The following CPQ variants were observed in gnomAD, a reference collection of about 807,000 sequenced individuals.
CPQ encodes carboxypeptidase Q, also known as Ser-Met dipeptidase.
Under a neutral mutation model 45.7 loss-of-function variants are expected in CPQ, and 37 were observed. The observed-to-expected ratio is 0.81, with a 90% CI of 0.62 to 1.07. The LOEUF (loss-of-function observed/expected upper bound fraction) is 1.07, where lower values mean the gene tolerates loss of function less well. Among genes scored for constraint, CPQ ranks in the 50% least tolerant of loss-of-function variants. The pLI, the probability that CPQ is intolerant of heterozygous loss-of-function variation, is 0.00. For missense variants in CPQ, 537 were observed against 572.9 expected (o/e 0.94, Z 0.64); for synonymous variants, 186 against 205.8 (o/e 0.90, Z 0.82).
chr8:96,951,615 C>A (rs1295831377), intron 4 of CPQ, among the ~76,000 whole-genome samples: 8 of 152,014 alleles, frequency 5.3e-5, no homozygotes, highest in Non-Finnish European at 1.0e-4. Context: ...CGTAACTTAC[C>A]TATTTCACGG....
At chr8:96,651,572 A>T (rs1469857311) in intron 1 of CPQ, among the ~76,000 whole-genome samples, 1 of 152,188 alleles carries the variant, frequency 6.6e-6, no homozygotes, top group Non-Finnish European at 1.5e-5. Context: ...GACACTTTAG[A>T]TCTGTTGTTT....
At chr8:96,984,174 C>A (rs1813960566) in intron 5 of CPQ, among the ~76,000 whole-genome samples, 1 of 151,946 alleles carries the variant, frequency 6.6e-6, no homozygotes, top group Non-Finnish European at 1.5e-5. Flanking sequence ...AATATAGTAA[C>A]CACAGATTGC....
intron 1 of CPQ, among the ~76,000 whole-genome samples, chr8:96,660,757 G>GT (rs1352086537): frequency 1.3e-5 from 2 of 151,674 alleles, no homozygotes; most frequent in Non-Finnish European, 2.9e-5. Context: ...GCTCATATTT[G>GT]TTTTTTAACT....
At chr8:96,669,880 CT>C (rs1808978553) in intron 1 of CPQ, among the ~76,000 whole-genome samples, 2 of 152,340 alleles carry the variant, frequency 1.3e-5, no homozygotes, top group East Asian at 3.9e-4. Context: ...TACTAAACTG[CT>C]GTTCCTAGGG....
chr8:96,993,135 T>C (rs1290667161), intron 5 of CPQ, among the ~76,000 whole-genome samples: 1 of 152,216 alleles, frequency 6.6e-6, no homozygotes, highest in African/African-American at 2.4e-5. Context: ...TCTAGCGTAG[T>C]ATATATGGTG....
intron 6 of CPQ, among the ~76,000 whole-genome samples, chr8:97,060,858 C>T (rs1008794093): frequency 1.3e-4 from 20 of 152,144 alleles, no homozygotes; most frequent in African/African-American, 4.1e-4. Context: ...ACAATATATT[C>T]CTGAGAAGCA....
At chr8:96,711,612 G>A (rs936885286) in intron 1 of CPQ, among the ~76,000 whole-genome samples, 21 of 152,086 alleles carry the variant, frequency 1.4e-4, no homozygotes, top group African/African-American at 5.1e-4. Context: ...GAGGATAATA[G>A]GGAAAAACAC....
intron 6 of CPQ, among the ~76,000 whole-genome samples, chr8:97,043,550 G>C (rs1216257561): frequency 6.6e-6 from 1 of 152,122 alleles, no homozygotes; most frequent in African/African-American, 2.4e-5. Flanking sequence ...TGGTTATTTT[G>C]ATCGTTAGTT....
intron 7 of CPQ, among the ~76,000 whole-genome samples, chr8:97,127,549 C>T (rs373802565): frequency 1.3e-5 from 2 of 151,898 alleles, no homozygotes; most frequent in African/African-American, 4.8e-5. Flanking sequence ...ATTAGCCAGG[C>T]GTGGTGGCAC....
chr8:96,844,916 G>A (rs1310912037), intron 3 of CPQ, among the ~76,000 whole-genome samples: 1 of 152,140 alleles, frequency 6.6e-6, no homozygotes, highest in Non-Finnish European at 1.5e-5. Flanking sequence ...GCTTGATATT[G>A]TTCTTGCAAG....
At chr8:96,702,589 C>G (rs1185832802) in intron 1 of CPQ, among the ~76,000 whole-genome samples, 2 of 152,104 alleles carry the variant, frequency 1.3e-5, no homozygotes, top group Non-Finnish European at 2.9e-5. Context: ...TATATTAAGT[C>G]TTTTAAGCTT....
At chr8:96,762,679 G>GT (rs1810419573) in intron 1 of CPQ, among the ~76,000 whole-genome samples, 1 of 152,086 alleles carries the variant, frequency 6.6e-6, no homozygotes, top group South Asian at 2.1e-4. Context: ...ATCTGAGATT[G>GT]TTTTACGGGG....
intron 1 of CPQ, among the ~76,000 whole-genome samples, chr8:96,665,834 C>T (rs529935946): frequency 3.1e-4 from 47 of 152,158 alleles, no homozygotes; most frequent in Non-Finnish European, 5.4e-4. Flanking sequence ...CCAGCGATCC[C>T]GGTGGAAATA....
At chr8:96,886,652 G>A (rs1381999661) in intron 4 of CPQ, among the ~76,000 whole-genome samples, 1 of 152,078 alleles carries the variant, frequency 6.6e-6, no homozygotes, top group Non-Finnish European at 1.5e-5. Context: ...GCAAATATGT[G>A]GTACAAACAC....
At chr8:97,056,444 A>G (rs1205047092) in intron 6 of CPQ, 1 of 152,226 alleles carries the variant, frequency 6.6e-6, no homozygotes, top group Non-Finnish European at 1.5e-5. Flanking sequence ...GAGAAGGATC[A>G]TCCAGTAAAG....
intron 4 of CPQ, among the ~76,000 whole-genome samples, chr8:96,902,641 C>T (rs1301823706): frequency 6.6e-6 from 1 of 152,150 alleles, no homozygotes; most frequent in Non-Finnish European, 1.5e-5. Flanking sequence ...TTCCCCCTTG[C>T]CCTTGTCTGC....
chr8:96,883,625 A>G (rs568672252), intron 4 of CPQ, among the ~76,000 whole-genome samples: 3 of 152,326 alleles, frequency 2.0e-5, no homozygotes, highest in Admixed American at 6.5e-5. Flanking sequence ...CTGGAACCGC[A>G]GGGGACATAC....
At chr8:96,794,898 A>T (rs1170905501) in intron 2 of CPQ, among the ~76,000 whole-genome samples, 1 of 152,180 alleles carries the variant, frequency 6.6e-6, no homozygotes, top group African/African-American at 2.4e-5. Context: ...TCTCCATCTG[A>T]GAACACCTCA....
intron 4 of CPQ, among the ~76,000 whole-genome samples, chr8:96,962,757 A>G (rs1001759478): frequency 2.2e-4 from 33 of 152,302 alleles, no homozygotes; most frequent in African/African-American, 7.7e-4. Flanking sequence ...CTATTTTCTA[A>G]GTGTATGCAG....
Sources: allele counts gnomAD v4.1 joint callset (sites outside exome capture counted in the v4.1 genomes callset), GRCh38; gene constraint gnomAD v4.1.1; transcripts MANE v1.5; gene names NCBI Gene and HGNC (gene_info 2026-07-23, HGNC 2026-07-21).